The following CYP2S1 variants were observed in gnomAD, a reference collection of about 807,000 sequenced individuals.
CYP2S1 encodes the protein cytochrome P450 2S1.
CYP2S1 carries 32 observed loss-of-function variants against 43.5 expected under a neutral mutation model. The observed-to-expected ratio is 0.74, with a 90% confidence interval of 0.56 to 0.99. The LOEUF (loss-of-function observed/expected upper bound fraction) is 0.99, where lower values mean the gene tolerates loss of function less well. Ranked by LOEUF, CYP2S1 falls within the 50% of genes least tolerant of loss-of-function variation. The pLI, the probability that CYP2S1 is intolerant of heterozygous loss-of-function variation, is 0.00. For synonymous variants in CYP2S1, 283 were observed against 302.9 expected (o/e 0.93, Z 0.68); for missense variants, 575 against 673.9 (o/e 0.85, Z 1.62).
chr19:41,203,894 C>T (rs1599715746), intron 7 of CYP2S1, among the ~76,000 whole-genome samples: 1 of 151,894 alleles, frequency 6.6e-6, no homozygotes, highest in East Asian at 1.9e-4. Flanking sequence ...CAGAGTCTCG[C>T]ACTGTCGCCC....
chr19:41,205,525 TTC>T (rs1223514322), intron 7 of CYP2S1, among the ~76,000 whole-genome samples: 1 of 151,198 alleles, frequency 6.6e-6, no homozygotes, highest in African/African-American at 2.4e-5. Context: ...CTTCCTCTCT[TTC>T]TCTCTTTCTT....
Position 41,194,689 on chromosome 19 carries a change from A to G in CYP2S1, c.323A>G (p.Glu108Gly), listed in dbSNP as rs1295892454. 1 of 1,611,734 alleles carries G rather than the reference A, an allele frequency of 6.2e-7. No homozygotes were observed. ...FSGRGTVAML[E>G]GTFDGHGVFF... is the part of the protein sequence containing the mutation. ...GGCCGGGGAACCGTAGCGATGCTGG[A>G]AGGGACTTTTGATGGCCATGGTAAG... Residue 108 changes from glutamate to glycine, a missense_variant, in exon 2 of 9, where the codon GAA (glutamate) becomes GGA (glycine). Transcript: ENST00000310054.
rs1231977017 is a variant in CYP2S1, at chr19:41,193,268, G to T, written c.4G>T (p.Glu2Ter). ...GAGAAGGAGCCGACCTGCCGAGATGGAGGCGACCGGCACCTGGGCGCTGCT... is the reference window on the plus strand; with the variant it reads ...GAGAAGGAGCCGACCTGCCGAGATGTAGGCGACCGGCACCTGGGCGCTGCT... The part of the protein sequence containing the change: M[E>*]ATGTWALLLA... The change falls in exon 1 of 9, where the codon GAG becomes TAG. Residue 2 changes from glutamate (E) to a stop codon, truncating the protein, a stop_gained. Coordinates refer to ENST00000310054, the MANE Select transcript of CYP2S1 (RefSeq NM_030622.8). LOFTEE classifies it high-confidence loss of function. The T allele has an allele frequency of 6.5e-7, 1 of 1,540,898 alleles. No individual in the cohort carries two copies. The highest frequency in any genetic ancestry group is 1.4e-5 in the African/African-American group (1 of 72,314).
Position 41,198,373 on chromosome 19 carries a change from CCT to C in CYP2S1, c.494-88_494-87del. ...CTGTCCATCCATCTTTCCCTGCCTC[CCT>C]GTCTCTCTCTGGTTGGGTTCAGCTC... On this transcript the variant is annotated intron_variant, in intron 3 of 8. Coordinates refer to ENST00000310054, the MANE Select transcript of CYP2S1 (RefSeq NM_030622.8). The surrounding 1 kb of genome is among the most constrained non-coding windows in gnomAD (Gnocchi z 4.9). 2.0e-6 allele frequency: 3 copies of C among 1,532,204 alleles called. No individual in the cohort carries two copies. The East Asian group carries it at 6.7e-5, about 34-fold the overall frequency. 94.9% of individuals were successfully genotyped at this position (1,532,204 alleles called of 1,614,324 possible). A position where few individuals can be genotyped will look rare whatever the true frequency, so the allele number is the denominator to read the frequency against.
chr19:41,205,546 G>A (rs1013254028), intron 7 of CYP2S1, among the ~76,000 whole-genome samples: 1 of 149,968 alleles, frequency 6.7e-6, no homozygotes, highest in African/African-American at 2.5e-5. Context: ...TTTCTTGACA[G>A]GGTCTCTCTT....
intron 8 of CYP2S1, 59 bp downstream of exon 8, chr19:41,206,158 C>T (rs1225126223): frequency 1.2e-6 from 2 of 1,607,662 alleles, no homozygotes; most frequent in Non-Finnish European, 1.7e-6. Flanking sequence ...GGCATCTGTG[C>T]CAGCTGGGGG....
chr19:41,205,478 T>C (rs1242055204), intron 7 of CYP2S1, among the ~76,000 whole-genome samples: 1 of 150,470 alleles, frequency 6.6e-6, no homozygotes, highest in Non-Finnish European at 1.5e-5. Context: ...TTTCTTCCTT[T>C]CTTCCTTCCT....
chr19:41,197,797 G>A lies in CYP2S1; in HGVS notation c.362G>A (p.Gly121Glu). 6.2e-7 allele frequency: 1 copy of A among 1,614,098 alleles called. No homozygotes were observed. Among genetic ancestry groups the A allele is most frequent in the Non-Finnish European group, 8.5e-7 (1 of 1,180,024 alleles). ...FDGHGVFFSNGERWRQLRKFT... is the reference protein window; with the variant it reads ...FDGHGVFFSNEERWRQLRKFT... The stretch of plus-strand genomic sequence containing the variant: ...TGCGCAGGGGTTTTCTTCTCCAACG[G>A]GGAGCGGTGGAGGCAGCTGAGGAAG... Residue 121 changes from glycine (G) to glutamate (E), a missense_variant, in exon 3 of 9, where the codon GGG becomes GAG. This residue lies in a region of CYP2S1 where 353 missense variants were observed against 367.6 expected (regional missense o/e 0.96). Coordinates refer to ENST00000310054, the MANE Select transcript of CYP2S1 (RefSeq NM_030622.8).
intron 5 of CYP2S1, among the ~76,000 whole-genome samples, chr19:41,199,669 A>G (rs936087243): frequency 6.6e-6 from 1 of 152,072 alleles, no homozygotes; most frequent in African/African-American, 2.4e-5. Context: ...CTATAGGCAT[A>G]AGACATCATG....
At chr19:41,200,436 G>A (rs183984192) in intron 5 of CYP2S1, among the ~76,000 whole-genome samples, 1 of 151,776 alleles carries the variant, frequency 6.6e-6, no homozygotes, top group Non-Finnish European at 1.5e-5. Context: ...GCGGTGGCTC[G>A]ATCTCGGCTC....
At chr19:41,204,261 A>G (rs1460456681) in intron 7 of CYP2S1, among the ~76,000 whole-genome samples, 1 of 152,128 alleles carries the variant, frequency 6.6e-6, no homozygotes, top group Non-Finnish European at 1.5e-5. Flanking sequence ...AGATCTCCCA[A>G]TTCTACCTCC....
chr19:41,197,174 G>A (rs1162708370), intron 2 of CYP2S1, among the ~76,000 whole-genome samples: 1 of 151,468 alleles, frequency 6.6e-6, no homozygotes, highest in African/African-American at 2.4e-5. Flanking sequence ...CAGCCTGGGT[G>A]ACAAAGCAAG....
At position 41,201,214 on chromosome 19, in the gene CYP2S1, T is replaced by C. The variant is rs1392654519; in HGVS notation, c.835-17T>C. 2 of 1,613,492 alleles carry C rather than the reference T, an allele frequency of 1.2e-6. No homozygotes were observed. Among genetic ancestry groups the C allele is most frequent in the Non-Finnish European group, 1.7e-6 (2 of 1,179,558 alleles). ...AAAGGCTGTGTTCTCTCAGCCCCTC[T>C]GCCTGGTTTCTTTCAGGAGGAACAA... On this transcript the variant is annotated splice_polypyrimidine_tract_variant and intron_variant, in intron 5 of 8. Coordinates refer to ENST00000310054, the MANE Select transcript of CYP2S1 (RefSeq NM_030622.8).
rs749447120 is a variant in CYP2S1 at position 41,193,261 on chromosome 19, C to G, written c.-4C>G. 18 of 1,539,756 alleles carry G rather than the reference C, an allele frequency of 1.2e-5. No individual in the cohort carries two copies. The highest frequency in any genetic ancestry group is 1.5e-5 in the Non-Finnish European group (17 of 1,146,480). On this transcript the variant is annotated 5_prime_UTR_variant, in exon 1 of 9. Transcript: ENST00000310054. ...GGGAGAGGAGAAGGAGCCGACCTGC[C>G]GAGATGGAGGCGACCGGCACCTGGG...
rs778305839 is a variant in CYP2S1 at position 41,198,715 on chromosome 19, G to A, written c.661G>A (p.Glu221Lys). ...GVSSQGGQTY[E>K]MFSWFLRPLP... is the part of the protein sequence containing the mutation. Reference sequence around the variant, plus strand: ...GCTGCCCTTCTCCCCACAGACCTACGAGATGTTCTCCTGGTTCCTGCGGCC... The same window carrying A: ...GCTGCCCTTCTCCCCACAGACCTACAAGATGTTCTCCTGGTTCCTGCGGCC... Residue 221 changes from glutamate (E) to lysine (K), a missense_variant, in exon 5 of 9, where the codon GAG (glutamate) becomes AAG (lysine). By Grantham distance (56) the Glu-to-Lys change is moderately conservative. Around this residue, in one of 2 missense-constraint regions of CYP2S1, gnomAD observed 353 missense variants for 367.6 expected, o/e 0.96. Coordinates refer to ENST00000310054, the MANE Select transcript of CYP2S1 (RefSeq NM_030622.8). This position sits in a 1 kb window ranked among gnomAD's most constrained non-coding sequence, Gnocchi z 4.9. 7 of 1,613,848 alleles carry A rather than the reference G, an allele frequency of 4.3e-6. No individual in the cohort carries two copies. Among genetic ancestry groups the A allele is most frequent in the African/African-American group, 1.3e-5 (1 of 74,920 alleles).
intron 1 of CYP2S1, among the ~76,000 whole-genome samples, chr19:41,194,136 G>A (rs558139284): frequency 5.1e-4 from 77 of 152,224 alleles, no homozygotes; most frequent in African/African-American, 1.8e-3. Flanking sequence ...GGGGTCTTGG[G>A]GGAGAGATGG....
Position 41,203,638 on chromosome 19 carries a change from G to C in CYP2S1, c.1164+1G>C. ...CTTCCGAGGGTACACCCTGCCCCAGGTGGGTATGCGTATGGCTGCCACCCA... is the reference window on the plus strand; with the variant it reads ...CTTCCGAGGGTACACCCTGCCCCAGCTGGGTATGCGTATGGCTGCCACCCA... On this transcript the variant is annotated splice_donor_variant, in intron 7 of 8. Transcript: ENST00000310054. LOFTEE classifies it high-confidence loss of function. 1 of 1,534,044 alleles carries C rather than the reference G, an allele frequency of 6.5e-7. No individual in the cohort carries two copies. Among genetic ancestry groups the C allele is most frequent in the Non-Finnish European group, 8.8e-7 (1 of 1,137,432 alleles).
At chr19:41,206,199 C>T in intron 8 of CYP2S1, 81 bp from the exon 9 acceptor site, 2 of 1,609,506 alleles carry the variant, frequency 1.2e-6, no homozygotes, top group Non-Finnish European at 1.7e-6. Context: ...TTACTGTTGG[C>T]TCCTCCACCT....
intron 7 of CYP2S1, 145 bp downstream of exon 7, chr19:41,203,782 T>C: frequency 1.1e-6 from 1 of 884,368 alleles, no homozygotes; most frequent in Non-Finnish European, 1.6e-6. Flanking sequence ...TCTTTCTCTG[T>C]CTCTGTCTTC....
Sources: gnomAD v4.1 joint callset for allele counts (sites outside exome capture counted in the v4.1 genomes callset) on GRCh38, gnomAD v4.1.1 for gene constraint, gnomAD v4.1.1 regional missense constraint, Gnocchi (gnomAD v3.1) non-coding constraint, MANE v1.5 for transcripts, NCBI Gene and HGNC (gene_info 2026-07-23, HGNC 2026-07-21) for gene names.